The following DCC variants were observed in gnomAD, a reference collection of about 807,000 sequenced individuals.
DCC encodes the protein netrin receptor DCC.
In DCC, 58 loss-of-function variants were observed where a neutral mutation model predicts 172.5. The observed-to-expected ratio is 0.34, with a 90% CI of 0.27 to 0.42. The LOEUF (loss-of-function observed/expected upper bound fraction) is 0.42, where lower values mean the gene tolerates loss of function less well. Among genes scored for constraint, DCC ranks in the 10% least tolerant of loss-of-function variants. The probability of loss-of-function intolerance (pLI) is 1.00; values close to 1 mark genes in which losing one functional copy is unlikely to be tolerated. For synonymous variants in DCC, 709 were observed against 644.5 expected (o/e 1.10, Z -1.52); for missense variants, 1,740 against 1,791.0 (o/e 0.97, Z 0.51).
intron 1 of DCC, among the ~76,000 whole-genome samples, chr18:52,358,321 G>T (rs1984469910): frequency 6.6e-6 from 1 of 152,148 alleles, no homozygotes. Context: ...TATTGAGATG[G>T]TCTTTGAGCT....
At chr18:52,978,478 C>T (rs1018169079) in intron 5 of DCC, among the ~76,000 whole-genome samples, 6 of 152,160 alleles carry the variant, frequency 3.9e-5, no homozygotes, top group African/African-American at 7.2e-5. Flanking sequence ...TATTGAGTAC[C>T]GAACAATTTT....
intron 8 of DCC, among the ~76,000 whole-genome samples, chr18:53,158,838 A>G (rs2054788962): frequency 6.6e-6 from 1 of 151,740 alleles, no homozygotes. Flanking sequence ...CTAAAAATAC[A>G]AAAAATTAGC....
intron 7 of DCC, among the ~76,000 whole-genome samples, chr18:53,084,569 A>G (rs1376430147): frequency 1.3e-5 from 2 of 152,178 alleles, no homozygotes; most frequent in Non-Finnish European, 2.9e-5. Flanking sequence ...GCCCTGCCAG[A>G]TCTTCTGTTT....
intron 26 of DCC, 131 bp downstream of exon 26, chr18:53,487,089 C>T: frequency 8.2e-7 from 1 of 1,224,948 alleles, no homozygotes; most frequent in Admixed American, 2.0e-5. Context: ...TAGAATGTTC[C>T]TTTCCAACAC....
intron 5 of DCC, among the ~76,000 whole-genome samples, chr18:52,984,940 G>A (rs1371150733): frequency 1.3e-5 from 2 of 151,808 alleles, no homozygotes; most frequent in Non-Finnish European, 2.9e-5. Flanking sequence ...ACATTTTATT[G>A]TCTTTAAAAA....
rs531570504 is a variant in DCC, at chr18:53,186,118, A to C, written c.1573+7002A>C. Among the ~76,000 whole-genome samples the C allele has an allele frequency of 8.5e-5, 13 of 152,344 alleles. No homozygotes were observed. In the South Asian group the frequency reaches 2.5e-3, roughly 29 times the overall value. ...ATTTTCTCTTTTCTTTTGAGCACAC[A>C]GTACGATTCAGGCTTCTTCAGTTGG... is the stretch of plus-strand genomic sequence containing the variant. On this transcript the variant is annotated intron_variant, in intron 9 of 28. Coordinates refer to ENST00000442544, the MANE Select transcript of DCC (RefSeq NM_005215.4).
At chr18:52,448,578 C>T (rs566021917) in intron 1 of DCC, among the ~76,000 whole-genome samples, 2 of 151,928 alleles carry the variant, frequency 1.3e-5, no homozygotes, top group South Asian at 4.2e-4. Flanking sequence ...CTGCCCAGAA[C>T]CGATTGAAAT....
intron 7 of DCC, among the ~76,000 whole-genome samples, chr18:53,087,001 T>C (rs2042923298): frequency 6.6e-6 from 1 of 151,876 alleles, no homozygotes; most frequent in East Asian, 2.0e-4. Context: ...CAGTCTATCA[T>C]TGTTGGACAT....
chr18:53,226,168 G>A (rs1202648493), intron 12 of DCC, among the ~76,000 whole-genome samples: 7 of 152,084 alleles, frequency 4.6e-5, no homozygotes, highest in Admixed American at 1.3e-4. Flanking sequence ...ACAATGTTTC[G>A]GATAGGGCCC....
At chr18:53,057,038 A>G (rs961295457) in intron 5 of DCC, among the ~76,000 whole-genome samples, 1 of 150,738 alleles carries the variant, frequency 6.6e-6, no homozygotes, top group Non-Finnish European at 1.5e-5. Flanking sequence ...TACCTAAGTA[A>G]CTGGAAAAGA....
At chr18:52,750,760 T>C (rs926946421) in intron 1 of DCC, among the ~76,000 whole-genome samples, 6 of 152,154 alleles carry the variant, frequency 3.9e-5, no homozygotes, top group Admixed American at 3.9e-4. Flanking sequence ...TAACCCCTTA[T>C]GAGAATATGG....
intron 2 of DCC, among the ~76,000 whole-genome samples, chr18:52,841,138 G>A (rs974720305): frequency 6.6e-6 from 1 of 151,958 alleles, no homozygotes; most frequent in Non-Finnish European, 1.5e-5. Context: ...TTGGAGTGAT[G>A]GTGGAGGAAA....
intron 1 of DCC, among the ~76,000 whole-genome samples, chr18:52,488,490 C>T (rs977165803): frequency 2.4e-4 from 37 of 151,940 alleles, no homozygotes; most frequent in Non-Finnish European, 5.1e-4. Context: ...TGAGCACTTG[C>T]ATTAGTGTAG....
At chr18:53,309,919 C>CGT (rs1203821767) in intron 13 of DCC, among the ~76,000 whole-genome samples, 32 of 99,520 alleles carry the variant, frequency 3.2e-4, no homozygotes, top group African/African-American at 1.1e-3. Flanking sequence ...CATATATGTG[C>CGT]GTGTATATAT....
chr18:52,697,164 A>G (rs1308417238), intron 1 of DCC, among the ~76,000 whole-genome samples: 3 of 152,210 alleles, frequency 2.0e-5, no homozygotes, highest in African/African-American at 7.2e-5. Flanking sequence ...AGAAATATTT[A>G]AAGTATTCTT....
At chr18:52,685,632 C>T (rs2035818748) in intron 1 of DCC, among the ~76,000 whole-genome samples, 1 of 152,116 alleles carries the variant, frequency 6.6e-6, no homozygotes, top group Non-Finnish European at 1.5e-5. Context: ...CAGTTTCTCT[C>T]TCTTGCTTCC....
intron 1 of DCC, among the ~76,000 whole-genome samples, chr18:52,687,466 G>A (rs987219924): frequency 2.6e-5 from 4 of 151,628 alleles, no homozygotes; most frequent in Non-Finnish European, 5.9e-5. Flanking sequence ...TGTATTTTTA[G>A]TAAAGACAAG....
intron 5 of DCC, among the ~76,000 whole-genome samples, chr18:53,050,607 T>C (rs57950523): frequency 1.3e-5 from 2 of 151,988 alleles, no homozygotes; most frequent in South Asian, 4.1e-4. Context: ...ATACTACTGA[T>C]TTTTGTACAT....
intron 12 of DCC, among the ~76,000 whole-genome samples, chr18:53,232,337 G>C (rs932649560): frequency 6.6e-6 from 1 of 152,108 alleles, no homozygotes; most frequent in Non-Finnish European, 1.5e-5. Flanking sequence ...CATCCCTTAA[G>C]AGTACCTCTC....
Sources: allele counts gnomAD v4.1 joint callset (sites outside exome capture counted in the v4.1 genomes callset), GRCh38; gene constraint gnomAD v4.1.1; transcripts MANE v1.5; gene names NCBI Gene and HGNC (gene_info 2026-07-23, HGNC 2026-07-21).